Variants in MUSK observed in about 807,000 individuals in gnomAD.
The protein encoded by MUSK is muscle, skeletal receptor tyrosine-protein kinase.
Under a neutral mutation model 88.7 loss-of-function variants are expected in MUSK, and 55 were observed. The ratio of observed to expected loss-of-function variants is 0.62; its 90% CI spans 0.50 to 0.78. MUSK has a LOEUF of 0.78. Among genes scored for constraint, MUSK ranks in the 30% least tolerant of loss-of-function variants. The pLI is 0.00. For missense variants in MUSK, 1,015 were observed against 1,074.3 expected (o/e 0.94, Z 0.77); for synonymous variants, 387 against 391.9 (o/e 0.99, Z 0.15).
intron 1 of MUSK, among the ~76,000 whole-genome samples, chr9:110,682,206 A>G (rs143934175): frequency 9.5e-4 from 144 of 152,184 alleles, no homozygotes; most frequent in African/African-American, 3.4e-3. Context: ...GGCTTTAGCA[A>G]TGTGCTTTTA....
chr9:110,742,479 G>A (rs925462663), intron 6 of MUSK, among the ~76,000 whole-genome samples: 1 of 151,836 alleles, frequency 6.6e-6, no homozygotes, highest in African/African-American at 2.4e-5. Flanking sequence ...AATAAAATTG[G>A]GAGACTGACA....
At chr9:110,755,937 T>TATATATATATATACATATATATAAC (rs2077307149) in intron 7 of MUSK, among the ~76,000 whole-genome samples, 2 of 88,370 alleles carry the variant, frequency 2.3e-5, no homozygotes, top group Admixed American at 1.1e-4. Context: ...TATATACATA[T>TATATATATATATACATATATATAAC]ATATATATAT....
chr9:110,747,933 C>G, intron 7 of MUSK, 133 bp downstream of exon 7: 1 of 1,233,004 alleles, frequency 8.1e-7, no homozygotes, highest in Non-Finnish European at 1.2e-6. Context: ...TATTTCCTCC[C>G]CCATGGGGAT....
Position 110,681,104 on chromosome 9 carries a change from TA to T in MUSK, c.80-1569del, listed in dbSNP as rs1564209874. Among the ~76,000 whole-genome samples, 2 of 58,192 alleles carry T rather than the reference TA, an allele frequency of 3.4e-5. 1 individual carries two copies. Among genetic ancestry groups the T allele is most frequent in the Non-Finnish European group, 5.3e-5 (2 of 37,464 alleles). The allele number at this position is 58,192 out of a possible 152,430, so 38.2% of individuals were successfully genotyped here. On this transcript the variant is annotated intron_variant, in intron 1 of 14. Transcript: ENST00000374448. The stretch of plus-strand genomic sequence containing the variant: ...ATTATATAATATATATTATATAATA[TA>T]TATTATATATAATATATATTATATA...
Position 110,738,161 on chromosome 9 carries a change from A to G in MUSK, c.753+3786A>G, listed in dbSNP as rs558404760. Among the ~76,000 whole-genome samples, 4 of 152,236 alleles carry G rather than the reference A, an allele frequency of 2.6e-5. No individual in the cohort carries two copies. In the South Asian group the frequency reaches 8.3e-4, roughly 32 times the overall value. On this transcript the variant is annotated intron_variant, in intron 6 of 14. Transcript: ENST00000374448. ...TTAGTTGATGTTAATTTTTCTATCT[A>G]TCAAATCACCTCTTTTTATCTTCCA...
chr9:110,742,254 A>C (rs2077110777), intron 6 of MUSK, among the ~76,000 whole-genome samples: 1 of 152,084 alleles, frequency 6.6e-6, no homozygotes, highest in Non-Finnish European at 1.5e-5. Context: ...CAGGATGGAG[A>C]CCATCCTGGC....
chr9:110,754,594 C>T (rs895548584), intron 7 of MUSK, among the ~76,000 whole-genome samples: 4 of 152,210 alleles, frequency 2.6e-5, no homozygotes, highest in African/African-American at 4.8e-5. Context: ...TATCTCCATG[C>T]TCCTTCCACA....
intron 6 of MUSK, among the ~76,000 whole-genome samples, chr9:110,743,236 A>T (rs572483227): frequency 8.9e-4 from 136 of 152,290 alleles, no homozygotes; most frequent in African/African-American, 3.2e-3. Context: ...GTTAGAGCCA[A>T]AGAGCAGGAG....
intron 7 of MUSK, chr9:110,748,092 T>C: frequency 2.0e-6 from 1 of 512,720 alleles, no homozygotes. Flanking sequence ...CTTTTCTCCA[T>C]TTCTCTTTCC....
intron 13 of MUSK, 148 bp from the exon 14 acceptor site, chr9:110,787,542 C>A: frequency 1.5e-6 from 1 of 658,762 alleles, no homozygotes; most frequent in East Asian, 2.9e-5. Flanking sequence ...TGTTGTCTTT[C>A]TTTGATTCTG....
Position 110,722,614 on chromosome 9 carries a change from A to C in MUSK, c.629-11637A>C, listed in dbSNP as rs762393101. 6.6e-4 allele frequency among the ~76,000 whole-genome samples: 101 copies of C among 152,130 alleles called. 1 individual carries two copies. The highest frequency in any genetic ancestry group is 5.6e-4 in the Non-Finnish European group (38 of 67,980). ...AAATAATCAGCAGAGTTAACAGACA[A>C]CCCCCAGAGTGGGAGAAAATTTTGC... On this transcript the variant is annotated intron_variant, in intron 5 of 14. Coordinates refer to ENST00000374448, the MANE Select transcript of MUSK (RefSeq NM_005592.4).
At chr9:110,714,208 G>A (rs1184086376) in intron 5 of MUSK, among the ~76,000 whole-genome samples, 16 of 152,220 alleles carry the variant, frequency 1.1e-4, no homozygotes, top group Non-Finnish European at 2.2e-4. Context: ...ACAAAAGTGC[G>A]GTTGCTTTAT....
intron 1 of MUSK, among the ~76,000 whole-genome samples, chr9:110,681,035 ATTATATAAT>A: frequency 2.6e-5 from 1 of 39,198 alleles, no homozygotes; most frequent in African/African-American, 1.5e-4. Flanking sequence ...TATATTATAT[ATTATATAAT>A]ATATATTATA....
chr9:110,692,140 G>A (rs1217225948), intron 3 of MUSK, among the ~76,000 whole-genome samples: 2 of 151,220 alleles, frequency 1.3e-5, no homozygotes, highest in South Asian at 2.1e-4. Flanking sequence ...TTTTTTGTTT[G>A]TTTGGTTGGT....
At chr9:110,690,615 T>C (rs2076337755) in intron 3 of MUSK, among the ~76,000 whole-genome samples, 1 of 35,008 alleles carries the variant, frequency 2.9e-5, no homozygotes, top group Non-Finnish European at 4.5e-5. Context: ...TATATATATT[T>C]AAATATAAGT....
rs550587838 is a variant in MUSK, at chr9:110,714,985, C to G, written c.628+17519C>G. 1.5e-3 allele frequency among the ~76,000 whole-genome samples: 222 copies of G among 150,482 alleles called. 8 individuals carry two copies. The highest frequency in any genetic ancestry group is 2.3e-3 in the Non-Finnish European group (157 of 67,956). ...TCTCTACAGAGTGATTTCTCTGTCT[C>G]AAATAATTCAGTTTATGAAAGGAGT... On this transcript the variant is annotated intron_variant, in intron 5 of 14. Coordinates refer to ENST00000374448, the MANE Select transcript of MUSK (RefSeq NM_005592.4).
At chr9:110,683,848 T>A (rs2076162866) in intron 2 of MUSK, among the ~76,000 whole-genome samples, 1 of 152,140 alleles carries the variant, frequency 6.6e-6, no homozygotes, top group African/African-American at 2.4e-5. Context: ...TACTATAGAG[T>A]TGTTTGAGCT....
At chr9:110,720,582 A>G (rs2076798337) in intron 5 of MUSK, among the ~76,000 whole-genome samples, 1 of 152,118 alleles carries the variant, frequency 6.6e-6, no homozygotes. Flanking sequence ...ACAAGCAGAA[A>G]GATTGAAATG....
intron 14 of MUSK, among the ~76,000 whole-genome samples, chr9:110,799,433 T>C (rs962344360): frequency 1.3e-5 from 2 of 152,236 alleles, no homozygotes; most frequent in East Asian, 1.9e-4. Flanking sequence ...AGCATGAACA[T>C]TGTAAAACCT....
Sources: allele counts gnomAD v4.1 joint callset (sites outside exome capture counted in the v4.1 genomes callset), GRCh38; gene constraint gnomAD v4.1.1; transcripts MANE v1.5; gene names NCBI Gene and HGNC (gene_info 2026-07-23, HGNC 2026-07-21).